Variants in HELZ observed in about 807,000 individuals in gnomAD.
HELZ encodes helicase with zinc finger, also known as ATP-dependent RNA helicase with zinc finger domain.
HELZ carries 23 observed loss-of-function variants against 218.2 expected under a neutral mutation model. The observed-to-expected ratio is 0.11, with a 90% CI of 0.08 to 0.15. HELZ has a LOEUF of 0.15. Ranked by LOEUF, HELZ falls within the 10% of genes least tolerant of loss-of-function variation. The pLI is 1.00. For missense variants in HELZ, 1,813 were observed against 2,353.7 expected (o/e 0.77, Z 4.75); for synonymous variants, 814 against 829.4 (o/e 0.98, Z 0.32).
At chr17:67,220,078 T>C (rs1039792787) in intron 3 of HELZ, among the ~76,000 whole-genome samples, 1 of 152,204 alleles carries the variant, frequency 6.6e-6, no homozygotes, top group Non-Finnish European at 1.5e-5. Context: ...CCTTAACCGC[T>C]GGCCTTACGG....
intron 5 of HELZ, among the ~76,000 whole-genome samples, chr17:67,213,004 T>A (rs768850443): frequency 6.6e-6 from 1 of 152,202 alleles, no homozygotes; most frequent in Admixed American, 6.5e-5. Flanking sequence ...AGTTGTGAAA[T>A]AGCACCTAAT....
chr17:67,106,584 A>G (rs1204029494), intron 31 of HELZ, among the ~76,000 whole-genome samples: 7 of 152,118 alleles, frequency 4.6e-5, no homozygotes, highest in African/African-American at 1.7e-4. Context: ...TGGGATTACA[A>G]GCGTGAGCCA....
In HELZ at chr17:67,123,963, C is replaced by A. The variant is rs1309310591; in HGVS notation, c.3439G>T (p.Val1147Phe). ...TTCATAGGGTAATTTTTCCACTTAC[C>A]AATTCCATCATTCTGGAAGTGATCA... The part of the protein sequence containing the change: ...QNDHFQNDGI[V>F]QPNPSVLIGN... Residue 1147 changes from valine (V) to phenylalanine (F), a missense_variant and splice_region_variant, in exon 25 of 33, where the codon GTT (valine) becomes TTT (phenylalanine). Coordinates refer to ENST00000358691, the MANE Select transcript of HELZ (RefSeq NM_014877.4). The A allele has an allele frequency of 1.9e-6, 3 of 1,606,996 alleles. No homozygotes were observed. The highest frequency in any genetic ancestry group is 2.6e-6 in the Non-Finnish European group (3 of 1,174,492).
intron 12 of HELZ, among the ~76,000 whole-genome samples, chr17:67,179,938 C>T (rs1333830934): frequency 5.3e-5 from 8 of 152,058 alleles, no homozygotes; most frequent in Admixed American, 5.2e-4. Context: ...ATTGCCATGT[C>T]TTTTTTAGTG....
At chr17:67,209,949 C>T (rs1228287038) in intron 5 of HELZ, among the ~76,000 whole-genome samples, 1 of 152,152 alleles carries the variant, frequency 6.6e-6, no homozygotes, top group Non-Finnish European at 1.5e-5. Context: ...GGTGCAGTAG[C>T]TCACACCTGT....
At chr17:67,136,255 T>C in intron 22 of HELZ, 57 bp from the exon 23 acceptor site, 4 of 1,137,048 alleles carry the variant, frequency 3.5e-6, no homozygotes, top group Non-Finnish European at 5.1e-6. Flanking sequence ...ACCACTGATA[T>C]AATAAAAGCA....
chr17:67,218,721 G>A lies in HELZ; in HGVS notation c.84C>T (p.His28=). 6.2e-7 allele frequency: 1 copy of A among 1,614,152 alleles called. No homozygotes were observed. Among genetic ancestry groups the A allele is most frequent in the Non-Finnish European group, 8.5e-7 (1 of 1,179,968 alleles). ...CAAGAGAAAGAAGGGCCTCTGTGCAGTGCTTGAGGGCCATTTCATAGTCCT... is the reference window on the plus strand; with the variant it reads ...CAAGAGAAAGAAGGGCCTCTGTGCAATGCTTGAGGGCCATTTCATAGTCCT... ...KRQDYEMALK[H]CTEALLSLGQ... The change falls in exon 4 of 33, where the codon CAC becomes CAT. Residue 28 remains histidine (H), a synonymous_variant. Coordinates refer to ENST00000358691, the MANE Select transcript of HELZ (RefSeq NM_014877.4).
chr17:67,178,986 A>G, intron 12 of HELZ, 60 bp from the exon 13 acceptor site: 1 of 1,111,514 alleles, frequency 9.0e-7, no homozygotes, highest in Non-Finnish European at 1.3e-6. Flanking sequence ...TTTAAATAAC[A>G]TTAAAATTCT....
chr17:67,119,719 A>G (rs997386382), intron 27 of HELZ, among the ~76,000 whole-genome samples: 6 of 152,190 alleles, frequency 3.9e-5, no homozygotes, highest in African/African-American at 7.2e-5. Flanking sequence ...ATCCCACAAG[A>G]TTAATGCTTA....
intron 17 of HELZ, among the ~76,000 whole-genome samples, chr17:67,155,917 T>C (rs2038827086): frequency 6.6e-6 from 1 of 150,594 alleles, no homozygotes; most frequent in Non-Finnish European, 1.5e-5. Context: ...AGTTGATATA[T>C]GTATGTGTGT....
intron 5 of HELZ, among the ~76,000 whole-genome samples, chr17:67,213,091 T>G (rs2040500243): frequency 1.3e-5 from 2 of 152,252 alleles, no homozygotes; most frequent in Non-Finnish European, 2.9e-5. Flanking sequence ...TACTTTTGTA[T>G]GACTTTTCCT....
At chr17:67,106,839 T>C (rs1289599759) in intron 31 of HELZ, among the ~76,000 whole-genome samples, 1 of 152,092 alleles carries the variant, frequency 6.6e-6, no homozygotes, top group Non-Finnish European at 1.5e-5. Context: ...AATTAACACA[T>C]GTAACTTAAA....
intron 3 of HELZ, 40 bp from the exon 4 acceptor site, chr17:67,218,862 C>T (rs2143304669): frequency 2.8e-6 from 4 of 1,433,380 alleles, no homozygotes; most frequent in Non-Finnish European, 3.9e-6. Flanking sequence ...GTTTTTTAAA[C>T]TTATTAATTA....
chr17:67,175,257 A>G (rs899860741), intron 13 of HELZ, among the ~76,000 whole-genome samples: 1 of 152,222 alleles, frequency 6.6e-6, no homozygotes, highest in Admixed American at 6.5e-5. Flanking sequence ...AAATGCAACC[A>G]GGCCTGTATG....
Position 67,205,808 on chromosome 17 carries a change from C to T in HELZ, c.248-2365G>A, listed in dbSNP as rs1341401865. On this transcript the variant is annotated intron_variant, in intron 5 of 32. Transcript: ENST00000358691. Reference sequence around the variant, plus strand: ...TTCCACTACATTGCTGTATGAATATCTTAATATTTGTCAAATTTATGTTTC... The same window carrying T: ...TTCCACTACATTGCTGTATGAATATTTTAATATTTGTCAAATTTATGTTTC... 4.6e-5 allele frequency among the ~76,000 whole-genome samples: 7 copies of T among 152,304 alleles called. No homozygotes were observed. In the East Asian group the frequency reaches 1.3e-3, roughly 29 times the overall value.
intron 32 of HELZ, among the ~76,000 whole-genome samples, chr17:67,081,988 C>G (rs575308003): frequency 1.3e-5 from 2 of 152,246 alleles, no homozygotes; most frequent in East Asian, 3.9e-4. Flanking sequence ...ACAGAGGAAG[C>G]CATAGGCCCT....
At chr17:67,111,295 A>G (rs1215102378) in intron 28 of HELZ, among the ~76,000 whole-genome samples, 1 of 152,214 alleles carries the variant, frequency 6.6e-6, no homozygotes, top group East Asian at 1.9e-4. Flanking sequence ...TGTAAATTTG[A>G]TCATAAGTGA....
At chr17:67,177,317 C>A (rs1259557676) in intron 13 of HELZ, among the ~76,000 whole-genome samples, 1 of 152,056 alleles carries the variant, frequency 6.6e-6, no homozygotes. Flanking sequence ...TCCATCCAGA[C>A]AAGTTTCCAC....
chr17:67,228,589 G>A (rs1356104067), intron 3 of HELZ, among the ~76,000 whole-genome samples: 3 of 151,636 alleles, frequency 2.0e-5, no homozygotes, highest in African/African-American at 7.3e-5. Context: ...TTGAACCCGG[G>A]AGGCAGAGGT....
Sources: allele counts gnomAD v4.1 joint callset (sites outside exome capture counted in the v4.1 genomes callset), GRCh38; gene constraint gnomAD v4.1.1; transcripts MANE v1.5; gene names NCBI Gene and HGNC (gene_info 2026-07-23, HGNC 2026-07-21).